KCNB2: variants seen among roughly 807,000 people sequenced by gnomAD.
KCNB2 encodes the protein delayed rectifier potassium channel protein.
Under a neutral mutation model 61.5 loss-of-function variants are expected in KCNB2, and 15 were observed. The ratio of observed to expected loss-of-function variants is 0.24; its 90% CI spans 0.16 to 0.38. The LOEUF (loss-of-function observed/expected upper bound fraction) is 0.38, where lower values mean the gene tolerates loss of function less well. Among genes scored for constraint, KCNB2 ranks in the 10% least tolerant of loss-of-function variants. The pLI is 1.00. For missense variants in KCNB2, 828 were observed against 1,125.2 expected (o/e 0.74, Z 3.78); for synonymous variants, 457 against 446.0 (o/e 1.02, Z -0.31).
chr8:72,680,822 A>G (rs1038190965), intron 2 of KCNB2, among the ~76,000 whole-genome samples: 5 of 152,160 alleles, frequency 3.3e-5, no homozygotes, highest in African/African-American at 1.2e-4. Flanking sequence ...CTTCACTACT[A>G]TGGGCTGCTG....
chr8:72,907,496 A>G (rs183577411), intron 2 of KCNB2, among the ~76,000 whole-genome samples: 87 of 152,332 alleles, frequency 5.7e-4, no homozygotes, highest in African/African-American at 2.0e-3. Context: ...GATGGAACAG[A>G]TAAAGTCAAT....
At chr8:72,905,247 T>C (rs2129006912) in intron 2 of KCNB2, among the ~76,000 whole-genome samples, 1 of 152,278 alleles carries the variant, frequency 6.6e-6, no homozygotes, top group East Asian at 1.9e-4. Flanking sequence ...AATGTACTCA[T>C]AGGCTGAATT....
At chr8:72,812,930 T>C (rs1242300161) in intron 2 of KCNB2, among the ~76,000 whole-genome samples, 1 of 152,196 alleles carries the variant, frequency 6.6e-6, no homozygotes, top group Non-Finnish European at 1.5e-5. Flanking sequence ...CTTATTCTTC[T>C]GTGCCTTAGA....
intron 2 of KCNB2, among the ~76,000 whole-genome samples, chr8:72,655,398 C>T (rs1013782080): frequency 1.6e-4 from 24 of 151,944 alleles, no homozygotes; most frequent in African/African-American, 5.8e-4. Flanking sequence ...GCCCTGTAAC[C>T]TGCAATTTAC....
intron 1 of KCNB2, among the ~76,000 whole-genome samples, chr8:72,566,351 T>C (rs1262180745): frequency 6.6e-6 from 1 of 152,182 alleles, no homozygotes; most frequent in Non-Finnish European, 1.5e-5. Flanking sequence ...ATGTGGAGAA[T>C]GGTTTTTAGG....
rs555584736 is a variant in KCNB2 at position 72,852,858 on chromosome 8, T to C, written c.580-83077T>C. Among the ~76,000 whole-genome samples, 25 of 152,352 alleles carry C rather than the reference T, an allele frequency of 1.6e-4. No individual in the cohort carries two copies. In the South Asian group the frequency reaches 5.2e-3, roughly 32 times the overall value. ...TCATACATAGAATTCAGAAAATAAA[T>C]CTGTGATCATAACACTTTCTCATTA... On this transcript the variant is annotated intron_variant, in intron 2 of 2. Coordinates refer to ENST00000523207, the MANE Select transcript of KCNB2 (RefSeq NM_004770.3).
chr8:72,617,275 C>T (rs1292770007), intron 2 of KCNB2, among the ~76,000 whole-genome samples: 1 of 152,074 alleles, frequency 6.6e-6, no homozygotes, highest in African/African-American at 2.4e-5. Context: ...GGTGTCTGAG[C>T]AGTATTTTGG....
chr8:72,776,140 CTA>C (rs746180128), intron 2 of KCNB2, among the ~76,000 whole-genome samples: 11 of 151,504 alleles, frequency 7.3e-5, no homozygotes, highest in Non-Finnish European at 1.3e-4. Flanking sequence ...TCTCAGCAAA[CTA>C]TCGCAGGGAC....
chr8:72,671,632 A>G (rs1333870359), intron 2 of KCNB2, among the ~76,000 whole-genome samples: 1 of 152,156 alleles, frequency 6.6e-6, no homozygotes, highest in Admixed American at 6.6e-5. Context: ...CCTTTCCTGT[A>G]TCTAGTTTCT....
intron 1 of KCNB2, among the ~76,000 whole-genome samples, chr8:72,555,586 A>G (rs1423620158): frequency 6.6e-6 from 1 of 151,630 alleles, no homozygotes; most frequent in African/African-American, 2.4e-5. Context: ...CAGAAAAACT[A>G]GTTCTTTCCT....
intron 2 of KCNB2, among the ~76,000 whole-genome samples, chr8:72,830,565 T>A (rs1342734046): frequency 6.6e-6 from 1 of 152,190 alleles, no homozygotes; most frequent in African/African-American, 2.4e-5. Flanking sequence ...TCATGTTTCA[T>A]TTACCCTCCT....
chr8:72,589,694 C>A (rs1376641075), intron 2 of KCNB2, among the ~76,000 whole-genome samples: 1 of 151,296 alleles, frequency 6.6e-6, no homozygotes, highest in Admixed American at 6.6e-5. Context: ...AGGAATACAA[C>A]AAAAGTGTAA....
At chr8:72,561,741 A>G (rs10957606) in intron 1 of KCNB2, among the ~76,000 whole-genome samples, 1,244 of 26,664 alleles carry the variant, frequency 0.047, 149 homozygotes, top group Admixed American at 0.057. Flanking sequence ...ATATCTATAT[A>G]TATATGTATA....
chr8:72,556,300 C>T (rs1475390828), intron 1 of KCNB2, among the ~76,000 whole-genome samples: 1 of 152,008 alleles, frequency 6.6e-6, no homozygotes, highest in Non-Finnish European at 1.5e-5. Flanking sequence ...TGCCCATCTG[C>T]CTTACTTTTT....
chr8:72,821,050 C>T (rs1176717831), intron 2 of KCNB2, among the ~76,000 whole-genome samples: 2 of 152,108 alleles, frequency 1.3e-5, no homozygotes, highest in African/African-American at 4.8e-5. Context: ...TTAAATACTT[C>T]AAAATGCTGA....
In KCNB2 at chr8:72,689,517, C is replaced by G. The variant is rs182077192; in HGVS notation, c.579+121204C>G. Among the ~76,000 whole-genome samples the G allele has an allele frequency of 3.3e-5, 5 of 152,306 alleles. No individual in the cohort carries two copies. In the East Asian group the frequency reaches 9.6e-4, roughly 29 times the overall value. The stretch of plus-strand genomic sequence containing the variant: ...TCCTAATTTTAGGACATTTTCATCA[C>G]CCAAAAAGAAAGCTTGTGTCCATTT... On this transcript the variant is annotated intron_variant, in intron 2 of 2. Transcript: ENST00000523207.
intron 2 of KCNB2, among the ~76,000 whole-genome samples, chr8:72,898,461 CA>C (rs1261711360): frequency 6.6e-6 from 1 of 151,508 alleles, no homozygotes; most frequent in Non-Finnish European, 1.5e-5. Context: ...GAAAAAAAAA[CA>C]TTGGAAAGCT....
chr8:72,913,051 C>T (rs1249127486), intron 2 of KCNB2, among the ~76,000 whole-genome samples: 3 of 152,242 alleles, frequency 2.0e-5, no homozygotes, highest in East Asian at 3.9e-4. Context: ...AAAATGCACT[C>T]CAACATTTTC....
chr8:72,746,206 G>C (rs1019689966), intron 2 of KCNB2, among the ~76,000 whole-genome samples: 1 of 152,104 alleles, frequency 6.6e-6, no homozygotes, highest in African/African-American at 2.4e-5. Flanking sequence ...CAGTATTTCT[G>C]TGTGCTTCTT....
Sources: allele counts gnomAD v4.1 joint callset (sites outside exome capture counted in the v4.1 genomes callset), GRCh38; gene constraint gnomAD v4.1.1; transcripts MANE v1.5; gene names NCBI Gene and HGNC (gene_info 2026-07-23, HGNC 2026-07-21).